The following KMT2C variants were observed in gnomAD, a reference collection of about 807,000 sequenced individuals.
KMT2C encodes lysine methyltransferase 2C.
Under a neutral mutation model 507.9 loss-of-function variants are expected in KMT2C, and 88 were observed. That is an observed-to-expected ratio of 0.17 (90% CI 0.15 to 0.21). KMT2C has a LOEUF of 0.21. Ranked by LOEUF, KMT2C falls within the 10% of genes least tolerant of loss-of-function variation. The pLI is 1.00. For missense variants in KMT2C, 4,954 were observed against 5,957.8 expected (o/e 0.83, Z 5.55); for synonymous variants, 2,049 against 2,080.8 (o/e 0.98, Z 0.42).
chr7:152,362,624 G>A (rs889467737), intron 1 of KMT2C, among the ~76,000 whole-genome samples: 2 of 152,110 alleles, frequency 1.3e-5, no homozygotes, highest in Non-Finnish European at 2.9e-5. Flanking sequence ...GTATGGTTTA[G>A]CTGACTTTTT....
rs577985213 is a variant in KMT2C, at chr7:152,422,978, A to G, written c.161+12648T>C. ...CTTACAGTGAGCCAAGATCACACCA[A>G]TGCACTCCAGCCTGGGCAACAGAGC... On this transcript the variant is annotated intron_variant, in intron 1 of 58. Transcript: ENST00000262189. Among the ~76,000 whole-genome samples, 5 of 150,046 alleles carry G rather than the reference A, an allele frequency of 3.3e-5. No individual in the cohort carries two copies. The South Asian group carries it at 1.1e-3, about 32-fold the overall frequency.
At chr7:152,256,148 C>T (rs1260645226) in intron 9 of KMT2C, among the ~76,000 whole-genome samples, 2 of 151,972 alleles carry the variant, frequency 1.3e-5, no homozygotes, top group Non-Finnish European at 2.9e-5. Context: ...CCAGCCTGAG[C>T]GACAGAGTGA....
chr7:152,310,138 TAA>T (rs2096657539), intron 5 of KMT2C, 63 bp from the exon 6 acceptor site: 4 of 1,090,024 alleles, frequency 3.7e-6, no homozygotes, highest in Non-Finnish European at 5.5e-6. Flanking sequence ...AGCTAATAAA[TAA>T]AGACATAAAA....
chr7:152,293,000 G>A (rs1007483693), intron 6 of KMT2C, among the ~76,000 whole-genome samples: 1 of 152,056 alleles, frequency 6.6e-6, no homozygotes, highest in Non-Finnish European at 1.5e-5. Context: ...TCAGTGGAAA[G>A]GCTAGTCTAA....
At chr7:152,305,344 G>A (rs756318444) in intron 6 of KMT2C, among the ~76,000 whole-genome samples, 18 of 152,162 alleles carry the variant, frequency 1.2e-4, no homozygotes, top group African/African-American at 3.6e-4. Flanking sequence ...GTAAAGTCAC[G>A]CTTGAATAAA....
chr7:152,431,416 G>A (rs536573689), intron 1 of KMT2C, among the ~76,000 whole-genome samples: 25 of 152,076 alleles, frequency 1.6e-4, no homozygotes, highest in African/African-American at 5.5e-4. Context: ...GGCTAACAGG[G>A]TGAAACCCCG....
At chr7:152,273,279 T>A (rs555876922) in intron 7 of KMT2C, among the ~76,000 whole-genome samples, 181 of 152,278 alleles carry the variant, frequency 1.2e-3, no homozygotes, top group South Asian at 3.5e-3. Flanking sequence ...ATTTCAGAAG[T>A]CTTTGGTGTT....
At chr7:152,246,977 G>A (rs1014142999) in intron 14 of KMT2C, among the ~76,000 whole-genome samples, 1 of 152,006 alleles carries the variant, frequency 6.6e-6, no homozygotes, top group Non-Finnish European at 1.5e-5. Context: ...TGGCCTTACA[G>A]TTTAAAAATT....
chr7:152,384,599 C>CGCTG (rs1589628070), intron 1 of KMT2C, among the ~76,000 whole-genome samples: 1 of 146,312 alleles, frequency 6.8e-6, no homozygotes, highest in African/African-American at 2.5e-5. Context: ...ACCACCACCA[C>CGCTG]CACCACCACC....
intron 9 of KMT2C, among the ~76,000 whole-genome samples, chr7:152,258,041 A>C (rs969273036): frequency 1.3e-5 from 2 of 152,222 alleles, no homozygotes; most frequent in African/African-American, 2.4e-5. Context: ...ACCTGCTGAA[A>C]GGATGAAGAA....
Position 152,252,077 on chromosome 7 carries a change from C to G in KMT2C, c.1483G>C (p.Glu495Gln). The change falls in exon 11 of 59, where the codon GAG (glutamate) becomes CAG (glutamine). Residue 495 changes from glutamate (E) to glutamine (Q), a missense_variant. Coordinates refer to ENST00000262189, the MANE Select transcript of KMT2C (RefSeq NM_170606.3). ...CNMCKRWVHL[E>Q]CDKPTDHELD... The stretch of plus-strand genomic sequence containing the variant: ...TCATGATCTGTTGGTTTGTCACACT[C>G]TAGGTGAACCCACCTGCAGTGATAA... 1 of 1,608,528 alleles carries G rather than the reference C, an allele frequency of 6.2e-7. No individual in the cohort carries two copies.
At chr7:152,224,322 A>G in intron 19 of KMT2C, 113 bp downstream of exon 19, 1 of 1,281,222 alleles carries the variant, frequency 7.8e-7, no homozygotes, top group Non-Finnish European at 1.1e-6. Context: ...GGTATCTATC[A>G]TAGAATATGT....
chr7:152,189,009 T>G (rs2093711307), intron 31 of KMT2C, among the ~76,000 whole-genome samples: 2 of 152,186 alleles, frequency 1.3e-5, no homozygotes, highest in African/African-American at 4.8e-5. Context: ...ATACATACAC[T>G]CTGGTTTTGG....
intron 1 of KMT2C, among the ~76,000 whole-genome samples, chr7:152,386,505 C>G (rs1263312307): frequency 2.6e-5 from 4 of 152,288 alleles, no homozygotes; most frequent in African/African-American, 7.2e-5. Context: ...ACTACATTTC[C>G]CAGCTTCCCT....
At chr7:152,263,207 C>T in intron 8 of KMT2C, 77 bp from the exon 9 acceptor site, 3 of 1,304,752 alleles carry the variant, frequency 2.3e-6, no homozygotes, top group Non-Finnish European at 3.3e-6. Context: ...TGAAAATAAT[C>T]AGTCCTGGGA....
chr7:152,327,513 C>T (rs1159238023), intron 3 of KMT2C, among the ~76,000 whole-genome samples: 1 of 152,198 alleles, frequency 6.6e-6, no homozygotes, highest in African/African-American at 2.4e-5. Flanking sequence ...AAATATTCTG[C>T]ATTCTGTACC....
chr7:152,183,823 G>C (rs748456852), intron 34 of KMT2C, among the ~76,000 whole-genome samples: 2 of 151,094 alleles, frequency 1.3e-5, no homozygotes, highest in African/African-American at 4.9e-5. Flanking sequence ...TTGAACTCAG[G>C]AGGCGGAGGT....
rs950086494 is a variant in KMT2C, at chr7:152,235,207, G to GTATGTATATATATATATATATATATATA, written c.2769+609_2769+610insTATATATATATATATATATATATACATA. 3.3e-3 allele frequency among the ~76,000 whole-genome samples: 468 copies of GTATGTATATATATATATATATATATATA among 142,372 alleles called. 10 individuals carry two copies. The highest frequency in any genetic ancestry group is 0.012 in the African/African-American group (452 of 36,586). The allele number at this position is 142,372 out of a possible 152,430, so 93.4% of individuals were successfully genotyped here. On this transcript the variant is annotated intron_variant, in intron 16 of 58. Coordinates refer to ENST00000262189, the MANE Select transcript of KMT2C (RefSeq NM_170606.3). ...TGATTGTGGTATCGTTTTCAAGGGTGTATATATATATATATATCAAAGCTT... is the reference window on the plus strand; with the variant it reads ...TGATTGTGGTATCGTTTTCAAGGGTGTATGTATATATATATATATATATATATATATATATATATATATATCAAAGCTT...
chr7:152,258,761 A>T (rs912045448), intron 9 of KMT2C, among the ~76,000 whole-genome samples: 3 of 152,064 alleles, frequency 2.0e-5, no homozygotes, highest in African/African-American at 7.2e-5. Flanking sequence ...CCTGACCTCA[A>T]CTGATCCACC....
Sources: gnomAD v4.1 joint callset for allele counts (sites outside exome capture counted in the v4.1 genomes callset) on GRCh38, gnomAD v4.1.1 for gene constraint, MANE v1.5 for transcripts, NCBI Gene and HGNC (gene_info 2026-07-23, HGNC 2026-07-21) for gene names.